Variants in HERC2 observed in about 807,000 individuals in gnomAD.
HERC2 encodes HECT and RLD domain containing E3 ubiquitin protein ligase 2, also known as E3 ubiquitin-protein ligase HERC2.
HERC2 carries 102 observed loss-of-function variants against 537.7 expected under a neutral mutation model. The ratio of observed to expected loss-of-function variants is 0.19; its 90% CI spans 0.16 to 0.22. The LOEUF is 0.22. Among genes scored for constraint, HERC2 ranks in the 10% least tolerant of loss-of-function variants. The pLI, the probability that HERC2 is intolerant of heterozygous loss-of-function variation, is 1.00. For synonymous variants in HERC2, 2,224 were observed against 2,466.2 expected (o/e 0.90, Z 2.91); for missense variants, 4,236 against 6,198.2 (o/e 0.68, Z 10.63).
intron 81 of HERC2, among the ~76,000 whole-genome samples, chr15:28,131,087 T>C (rs7495442): frequency 1.3e-5 from 2 of 152,002 alleles, no homozygotes; most frequent in South Asian, 2.1e-4. Flanking sequence ...CACAAGCTGC[T>C]CCTCATGACC....
At chr15:28,129,119 T>C (rs1889822049) in intron 83 of HERC2, among the ~76,000 whole-genome samples, 1 of 152,200 alleles carries the variant, frequency 6.6e-6, no homozygotes, top group Admixed American at 6.5e-5. Flanking sequence ...AAAGTCCCTT[T>C]TGCCATTGTG....
intron 65 of HERC2, among the ~76,000 whole-genome samples, chr15:28,172,405 T>C (rs1243933622): frequency 2.0e-5 from 3 of 152,198 alleles, no homozygotes; most frequent in African/African-American, 7.2e-5. Context: ...CAAGACAATA[T>C]GTCATTGCCA....
intron 70 of HERC2, among the ~76,000 whole-genome samples, chr15:28,152,125 C>T (rs535557262): frequency 2.6e-5 from 4 of 152,282 alleles, no homozygotes; most frequent in Non-Finnish European, 4.4e-5. Flanking sequence ...AACTTATGGG[C>T]CTCCGAATCG....
In HERC2 at chr15:28,214,769, G is replaced by A. The variant is rs1899699854; in HGVS notation, c.6244C>T (p.Pro2082Ser). The part of the protein sequence containing the change: ...LAVHLLQAVL[P>S]SWDKTERARD... ...GCCCTTTCGGTCTTGTCCCATGATG[G>A]AAGGACTGCTTGCAACAAATGCACA... is the stretch of plus-strand genomic sequence containing the variant. Residue 2082 changes from proline to serine, a missense_variant, in exon 40 of 93, where the codon CCA becomes TCA. Pro to Ser is a moderately conservative substitution (Grantham distance 74). Transcript: ENST00000261609. 6.2e-7 allele frequency: 1 copy of A among 1,611,746 alleles called. No homozygotes were observed. Among genetic ancestry groups the A allele is most frequent in the South Asian group, 1.1e-5 (1 of 90,988 alleles).
intron 16 of HERC2, among the ~76,000 whole-genome samples, chr15:28,258,070 G>C (rs2075314638): frequency 6.6e-6 from 1 of 152,126 alleles, no homozygotes; most frequent in African/African-American, 2.4e-5. Context: ...AAATTTAAAA[G>C]AAATGAAATC....
At chr15:28,316,423 T>A (rs1255230035) in intron 2 of HERC2, among the ~76,000 whole-genome samples, 2 of 152,078 alleles carry the variant, frequency 1.3e-5, no homozygotes, top group Non-Finnish European at 2.9e-5. Context: ...GAGGATCACT[T>A]GAATGCAGGT....
intron 16 of HERC2, among the ~76,000 whole-genome samples, chr15:28,258,487 A>AATG (rs1318195376): frequency 6.6e-6 from 1 of 152,110 alleles, no homozygotes; most frequent in Non-Finnish European, 1.5e-5. Flanking sequence ...TAATAATAAT[A>AATG]ATAATCATCC....
intron 4 of HERC2, among the ~76,000 whole-genome samples, chr15:28,290,892 T>A (rs2076292203): frequency 6.6e-6 from 1 of 152,078 alleles, no homozygotes. Flanking sequence ...GATCTAAGCC[T>A]TTGCCTTAAG....
At chr15:28,153,399 A>C (rs907587408) in intron 69 of HERC2, among the ~76,000 whole-genome samples, 1 of 152,098 alleles carries the variant, frequency 6.6e-6, no homozygotes, top group African/African-American at 2.4e-5. Context: ...CACACTTGTA[A>C]TACAAGCACT....
intron 2 of HERC2, among the ~76,000 whole-genome samples, chr15:28,301,729 GTATGTGTATATATATATATA>G (rs201138762): frequency 0.047 from 1,780 of 37,826 alleles, 100 homozygotes; most frequent in African/African-American, 0.14. Context: ...CTAGTTGTAT[GTATGTGTATATATATATATA>G]TATATATATA....
At chr15:28,153,391 C>T (rs566822070) in intron 69 of HERC2, among the ~76,000 whole-genome samples, 2 of 152,180 alleles carry the variant, frequency 1.3e-5, no homozygotes, top group South Asian at 4.1e-4. Flanking sequence ...CAGTGGCTCA[C>T]ACTTGTAATA....
chr15:28,318,090 G>T (rs1483981582), intron 2 of HERC2, among the ~76,000 whole-genome samples: 1 of 152,102 alleles, frequency 6.6e-6, no homozygotes, highest in Non-Finnish European at 1.5e-5. Flanking sequence ...CAAAACTGGC[G>T]AACAGGCATG....
chr15:28,120,641 T>C (rs936135726), intron 86 of HERC2, among the ~76,000 whole-genome samples: 2 of 152,240 alleles, frequency 1.3e-5, no homozygotes, highest in African/African-American at 2.4e-5. Flanking sequence ...AATTCTGGCC[T>C]ATGAAATTGG....
chr15:28,298,704 G>A (rs2076538827), intron 3 of HERC2: 1 of 152,110 alleles, frequency 6.6e-6, no homozygotes, highest in African/African-American at 2.4e-5. Flanking sequence ...GCTGAGGCAG[G>A]AGAATGGCAT....
In HERC2 at chr15:28,114,618, T is replaced by C. The variant is rs759840275; in HGVS notation, c.13907A>G (p.Asn4636Ser). 2.2e-5 allele frequency: 36 copies of C among 1,613,076 alleles called. No individual in the cohort carries two copies. The highest frequency in any genetic ancestry group is 3.1e-5 in the Non-Finnish European group (36 of 1,179,540). The part of the protein sequence containing the change: ...NRAEYVRLAI[N>S]YRLHEFDEQV... The stretch of plus-strand genomic sequence containing the variant: ...GAGACGGATGACCACCAACCTATAG[T>C]TTATCGCCAGCCGCACGTACTCCGC... The change falls in exon 90 of 93, where the codon AAC becomes AGC. Residue 4636 changes from asparagine to serine, a missense_variant. This residue lies in a region of HERC2 where 313 missense variants were observed against 462.6 expected (regional missense o/e 0.68). Transcript: ENST00000261609.
Position 28,270,735 on chromosome 15 carries a change from G to A in HERC2, c.1217C>T (p.Pro406Leu). The A allele has an allele frequency of 6.2e-7, 1 of 1,613,906 alleles. No homozygotes were observed. The highest frequency in any genetic ancestry group is 1.1e-5 in the South Asian group (1 of 91,070). ...VMAHLDRLATPCMPPLCSSPT... is the reference protein window; with the variant it reads ...VMAHLDRLATLCMPPLCSSPT... ...AGAGCTACACAGCGGAGGCATACAG[G>A]GCGTAGCCAGACGGTCTAAATGGGC... Residue 406 changes from proline to leucine, a missense_variant, in exon 10 of 93, where the codon CCC (proline) becomes CTC (leucine). Pro to Leu is a moderately conservative substitution (Grantham distance 98, BLOSUM62 -3). Around this residue, in one of 27 missense-constraint regions of HERC2, gnomAD observed 491 missense variants for 559.3 expected, o/e 0.88. Transcript: ENST00000261609.
At chr15:28,170,305 A>G (rs573479807) in intron 65 of HERC2, among the ~76,000 whole-genome samples, 1 of 152,342 alleles carries the variant, frequency 6.6e-6, no homozygotes, top group Non-Finnish European at 1.5e-5. Context: ...CATAACCAAA[A>G]CTGTGTGGTA....
intron 48 of HERC2, among the ~76,000 whole-genome samples, chr15:28,199,920 C>T (rs1027679133): frequency 6.6e-6 from 1 of 152,162 alleles, no homozygotes; most frequent in Non-Finnish European, 1.5e-5. Flanking sequence ...AAATAAACAG[C>T]ATGAAAGGAG....
chr15:28,275,906 T>C (rs2075858977), intron 5 of HERC2, among the ~76,000 whole-genome samples: 1 of 152,174 alleles, frequency 6.6e-6, no homozygotes, highest in Non-Finnish European at 1.5e-5. Context: ...ATTGCTACTA[T>C]AAACTATATT....
Sources: allele counts gnomAD v4.1 joint callset (sites outside exome capture counted in the v4.1 genomes callset), GRCh38; gene constraint gnomAD v4.1.1; regional missense constraint gnomAD v4.1.1; transcripts MANE v1.5; gene names NCBI Gene and HGNC (gene_info 2026-07-23, HGNC 2026-07-21).